FBLN2: variants seen among roughly 807,000 people sequenced by gnomAD.
FBLN2 encodes the protein fibulin 2.
In FBLN2, 81 loss-of-function variants were observed where a neutral mutation model predicts 123.7. That is an observed-to-expected ratio of 0.65 (90% CI 0.55 to 0.79). The LOEUF is 0.79. FBLN2 is among the 30% of genes least tolerant of loss of function. FBLN2 has a pLI of 0.00. For synonymous variants in FBLN2, 699 were observed against 701.4 expected, an observed-to-expected ratio of 1.00 and a Z score of 0.05; for missense variants, 1,603 against 1,681.3, an observed-to-expected ratio of 0.95 and a Z score of 0.81.
At chr3:13,609,443 G>A in intron 3 of FBLN2, 70 bp from the exon 4 acceptor site, 1 of 1,473,374 alleles carries the variant, frequency 6.8e-7, no homozygotes, top group South Asian at 1.4e-5. Context: ...CCTCCTCTGA[G>A]CCTCACTCAC....
chr3:13,620,346 G>T (rs1325336627), intron 8 of FBLN2, among the ~76,000 whole-genome samples: 1 of 152,200 alleles, frequency 6.6e-6, no homozygotes, highest in Non-Finnish European at 1.5e-5. Context: ...GTGGAGAGGG[G>T]GAAGGGGAAG....
intron 4 of FBLN2, among the ~76,000 whole-genome samples, chr3:13,610,122 G>A (rs60479279): frequency 0.047 from 7,159 of 152,300 alleles, 203 homozygotes; most frequent in East Asian, 0.13. Context: ...TTTGTGCAAT[G>A]CCCGGGGTGG....
At chr3:13,551,584 T>C (rs1311782322) in intron 1 of FBLN2, among the ~76,000 whole-genome samples, 2 of 152,186 alleles carry the variant, frequency 1.3e-5, no homozygotes, top group East Asian at 1.9e-4. Context: ...CCCCTCTTAC[T>C]GAGCCACTAG....
At chr3:13,630,952 A>C (rs1706235128) in intron 15 of FBLN2, 137 bp downstream of exon 15, 1 of 697,336 alleles carries the variant, frequency 1.4e-6, no homozygotes, top group East Asian at 2.7e-5. Context: ...CCAGCCCTGC[A>C]GTTTCCTGGC....
chr3:13,619,031 G>T lies in FBLN2; in HGVS notation c.2053+14G>T. ...ATACCTGCAAAGGTAAGCAGTGTGG[G>T]TGGTGTCTCCAGGACAGGGCCCAGG... is the stretch of plus-strand genomic sequence containing the variant. On this transcript the variant is annotated intron_variant, in intron 7 of 17. Coordinates refer to ENST00000404922, the MANE Select transcript of FBLN2 (RefSeq NM_001004019.2). 1 of 1,594,872 alleles carries T rather than the reference G, an allele frequency of 6.3e-7. No homozygotes were observed. The highest frequency in any genetic ancestry group is 8.6e-7 in the Non-Finnish European group (1 of 1,168,918).
At chr3:13,557,087 A>G (rs777780494) in intron 1 of FBLN2, among the ~76,000 whole-genome samples, 2 of 152,132 alleles carry the variant, frequency 1.3e-5, no homozygotes, top group Non-Finnish European at 2.9e-5. Flanking sequence ...TTTTATTTCC[A>G]CTTCAAGAGC....
chr3:13,619,499 G>A (rs574666722), intron 7 of FBLN2, among the ~76,000 whole-genome samples: 1 of 152,180 alleles, frequency 6.6e-6, no homozygotes, highest in Non-Finnish European at 1.5e-5. Flanking sequence ...CGAGTGGTGG[G>A]GGAGGTAGAC....
At chr3:13,622,410 C>T (rs1272322166) in intron 9 of FBLN2, among the ~76,000 whole-genome samples, 2 of 152,210 alleles carry the variant, frequency 1.3e-5, no homozygotes, top group East Asian at 1.9e-4. Context: ...GCCTGGGCAC[C>T]GTGAGCATGC....
At chr3:13,587,244 G>A (rs1191105958) in intron 2 of FBLN2, among the ~76,000 whole-genome samples, 1 of 151,822 alleles carries the variant, frequency 6.6e-6, no homozygotes, top group African/African-American at 2.4e-5. Flanking sequence ...TACAATGAGG[G>A]CATTTATGTT....
intron 5 of FBLN2, among the ~76,000 whole-genome samples, chr3:13,617,640 C>T (rs1705673495): frequency 1.4e-5 from 2 of 145,968 alleles, no homozygotes; most frequent in African/African-American, 2.5e-5. Flanking sequence ...CCCACCCATT[C>T]ATTCACCCAC....
intron 16 of FBLN2, among the ~76,000 whole-genome samples, chr3:13,633,334 G>A (rs888334229): frequency 1.8e-4 from 28 of 152,388 alleles, no homozygotes; most frequent in African/African-American, 6.0e-4. Context: ...AAGAACTGGC[G>A]AGGCCAGGTC....
chr3:13,572,397 C>T (rs1048851628), intron 2 of FBLN2, among the ~76,000 whole-genome samples: 2 of 152,228 alleles, frequency 1.3e-5, no homozygotes, highest in Non-Finnish European at 2.9e-5. Context: ...GCTGTTTCAC[C>T]AGTGAGGCAA....
In FBLN2 at chr3:13,601,951, C is replaced by A. The variant is rs1409132731; in HGVS notation, c.1307-6111C>A. Among the ~76,000 whole-genome samples, 9 of 152,204 alleles carry A rather than the reference C, an allele frequency of 5.9e-5. No homozygotes were observed. The East Asian group carries it at 1.7e-3, about 29-fold the overall frequency. On this transcript the variant is annotated intron_variant, in intron 2 of 17. Transcript: ENST00000404922. The stretch of plus-strand genomic sequence containing the variant: ...TAGCTGGAAATGCAGGCATGTACCA[C>A]CATGCCTGGTTAAATTTTTTCTTTT...
At chr3:13,599,989 C>T (rs1018874907) in intron 2 of FBLN2, among the ~76,000 whole-genome samples, 3 of 149,556 alleles carry the variant, frequency 2.0e-5, no homozygotes, top group African/African-American at 7.4e-5. Flanking sequence ...CTCCAAAAGT[C>T]TGGTGCTCAG....
intron 2 of FBLN2, among the ~76,000 whole-genome samples, chr3:13,604,269 T>A (rs1705133414): frequency 6.6e-6 from 1 of 152,242 alleles, no homozygotes. Flanking sequence ...TGGCTTTTGT[T>A]ACCCTTGCTT....
rs141689097 is a variant in FBLN2 at position 13,617,227 on chromosome 3, C to T, written c.1730-849C>T. ...CTACCTACCTACCAGTCCATCCATC[C>T]GTCTGTTCATCTGTCTGTCCACCCA... On this transcript the variant is annotated intron_variant, in intron 5 of 17. Transcript: ENST00000404922. Among the ~76,000 whole-genome samples, 22 of 151,712 alleles carry T rather than the reference C, an allele frequency of 1.5e-4. No homozygotes were observed. In the East Asian group the frequency reaches 2.9e-3, roughly 20 times the overall value.
intron 6 of FBLN2, 112 bp downstream of exon 6, chr3:13,618,397 A>C (rs4596126): frequency 0.27 from 253,638 of 951,736 alleles, 44,859 homozygotes; most frequent in African/African-American, 0.82. Context: ...TTACCCCACA[A>C]GTTGGAACCC....
rs371294714 is a variant in FBLN2, at chr3:13,570,550, C to T, written c.195C>T (p.Cys65=). 59 of 1,590,070 alleles carry T rather than the reference C, an allele frequency of 3.7e-5. No individual in the cohort carries two copies. The highest frequency in any genetic ancestry group is 4.4e-5 in the Non-Finnish European group (52 of 1,169,896). The change falls in exon 2 of 18, where the codon TGC becomes TGT. Residue 65 remains cysteine (C), a synonymous_variant. Coordinates refer to ENST00000404922, the MANE Select transcript of FBLN2 (RefSeq NM_001004019.2). ...CGTGTGTGCAGCAGGGCTGCGCCTG[C>T]GAGGGCTACCAGTACTATGACTGCC... The part of the protein sequence containing the change: ...CATCVQQGCA[C]EGYQYYDCLQ...
At chr3:13,577,824 C>A (rs557134892) in intron 2 of FBLN2, among the ~76,000 whole-genome samples, 1 of 152,360 alleles carries the variant, frequency 6.6e-6, no homozygotes, top group South Asian at 2.1e-4. Context: ...CCGGGGGCAG[C>A]TGGGTTCAGG....
Sources: gnomAD v4.1 joint callset for allele counts (sites outside exome capture counted in the v4.1 genomes callset) on GRCh38, gnomAD v4.1.1 for gene constraint, MANE v1.5 for transcripts, NCBI Gene and HGNC (gene_info 2026-07-23, HGNC 2026-07-21) for gene names.